The following GFRAL variants were observed in gnomAD, a reference collection of about 807,000 sequenced individuals.
The protein encoded by GFRAL is GDNF family receptor alpha like.
Under a neutral mutation model 45.4 loss-of-function variants are expected in GFRAL, and 36 were observed. That is an observed-to-expected ratio of 0.79 (90% CI 0.61 to 1.05). The LOEUF is 1.05. Among genes scored for constraint, GFRAL ranks in the 50% least tolerant of loss-of-function variants. The pLI is 0.00. For synonymous variants in GFRAL, 166 were observed against 154.1 expected, an observed-to-expected ratio of 1.08 and a Z score of -0.57; for missense variants, 507 against 467.5, an observed-to-expected ratio of 1.08 and a Z score of -0.78.
chr6:55,400,596 C>T (rs1324932846), intron 8 of GFRAL, among the ~76,000 whole-genome samples: 3 of 152,236 alleles, frequency 2.0e-5, no homozygotes, highest in Admixed American at 1.3e-4. Flanking sequence ...TGTTTGGACC[C>T]AATCCCTCTA....
chr6:55,376,461 A>C (rs1768536065), intron 6 of GFRAL, among the ~76,000 whole-genome samples: 1 of 152,064 alleles, frequency 6.6e-6, no homozygotes, highest in African/African-American at 2.4e-5. Flanking sequence ...TACCTCTGGT[A>C]GGATTCAGGT....
intron 6 of GFRAL, among the ~76,000 whole-genome samples, chr6:55,365,001 T>C (rs1407210230): frequency 6.7e-6 from 1 of 149,646 alleles, no homozygotes; most frequent in Non-Finnish European, 1.5e-5. Context: ...TTGATGGGGA[T>C]GGCATTGAAT....
At chr6:55,350,602 G>A (rs1018667977) in intron 4 of GFRAL, among the ~76,000 whole-genome samples, 3 of 152,136 alleles carry the variant, frequency 2.0e-5, no homozygotes, top group African/African-American at 7.2e-5. Context: ...TTGGGAGGCT[G>A]AGGCAGGAGG....
intron 1 of GFRAL, among the ~76,000 whole-genome samples, chr6:55,330,558 G>T (rs1486505815): frequency 6.6e-6 from 1 of 152,058 alleles, no homozygotes; most frequent in African/African-American, 2.4e-5. Context: ...ACAACAAAAA[G>T]GGTTATTCCA....
intron 3 of GFRAL, among the ~76,000 whole-genome samples, chr6:55,334,529 G>T (rs1478202324): frequency 6.6e-6 from 1 of 152,166 alleles, no homozygotes; most frequent in Non-Finnish European, 1.5e-5. Context: ...CAGTTCTAAA[G>T]TCAACAGTTT....
chr6:55,373,228 A>ATCTGTG (rs1220515791), intron 6 of GFRAL, among the ~76,000 whole-genome samples: 1 of 152,110 alleles, frequency 6.6e-6, no homozygotes, highest in Non-Finnish European at 1.5e-5. Context: ...GATATCTGTG[A>ATCTGTG]AGAACCACCT....
chr6:55,387,995 C>T (rs1004772879), intron 6 of GFRAL, among the ~76,000 whole-genome samples: 1 of 152,158 alleles, frequency 6.6e-6, no homozygotes, highest in Admixed American at 6.6e-5. Flanking sequence ...CACTGCATGG[C>T]ACATGTGAGC....
intron 6 of GFRAL, among the ~76,000 whole-genome samples, chr6:55,389,396 A>G (rs1178725200): frequency 6.6e-6 from 1 of 152,078 alleles, no homozygotes; most frequent in Non-Finnish European, 1.5e-5. Flanking sequence ...CAAAACGTAC[A>G]GCAATAGAAC....
chr6:55,390,720 T>C (rs1159933920), intron 6 of GFRAL, among the ~76,000 whole-genome samples: 1 of 151,884 alleles, frequency 6.6e-6, no homozygotes, highest in Non-Finnish European at 1.5e-5. Flanking sequence ...AAACCCCGTC[T>C]CTACTAAAAA....
chr6:55,340,369 A>G (rs1767946427), intron 3 of GFRAL, among the ~76,000 whole-genome samples: 5 of 152,248 alleles, frequency 3.3e-5, no homozygotes, highest in Admixed American at 3.3e-4. Context: ...TAAAGCACCC[A>G]GCAGAATACC....
At chr6:55,398,465 A>T (rs1292913515) in intron 6 of GFRAL, among the ~76,000 whole-genome samples, 1 of 152,230 alleles carries the variant, frequency 6.6e-6, no homozygotes, top group Non-Finnish European at 1.5e-5. Flanking sequence ...CTTTAAAGTT[A>T]TTGATAAAAA....
chr6:55,346,038 AC>A (rs1768036804), intron 3 of GFRAL, among the ~76,000 whole-genome samples: 2 of 152,150 alleles, frequency 1.3e-5, no homozygotes, highest in Non-Finnish European at 2.9e-5. Flanking sequence ...AAATCAGGAA[AC>A]AACAGGTGCT....
intron 6 of GFRAL, among the ~76,000 whole-genome samples, chr6:55,373,883 C>T (rs2127361352): frequency 6.6e-6 from 1 of 152,174 alleles, no homozygotes; most frequent in South Asian, 2.1e-4. Context: ...AGCTATTCTT[C>T]CTGATGCTCT....
intron 3 of GFRAL, among the ~76,000 whole-genome samples, chr6:55,340,642 G>A (rs12209649): frequency 0.063 from 9,602 of 152,180 alleles, 330 homozygotes; most frequent in South Asian, 0.17. Context: ...TGAGGTACCA[G>A]GTTCATCTCA....
intron 6 of GFRAL, among the ~76,000 whole-genome samples, chr6:55,386,313 T>TA (rs1317501463): frequency 3.3e-5 from 5 of 152,070 alleles, no homozygotes; most frequent in Non-Finnish European, 7.4e-5. Context: ...AAACTGCATA[T>TA]TTTTTTAGCA....
intron 6 of GFRAL, among the ~76,000 whole-genome samples, chr6:55,369,938 T>C (rs1299153672): frequency 6.6e-6 from 1 of 152,176 alleles, no homozygotes; most frequent in Non-Finnish European, 1.5e-5. Context: ...TCTGCATACC[T>C]CCTTAATGAT....
At chr6:55,374,984 G>T (rs1339147823) in intron 6 of GFRAL, among the ~76,000 whole-genome samples, 2 of 151,884 alleles carry the variant, frequency 1.3e-5, no homozygotes, top group Non-Finnish European at 2.9e-5. Flanking sequence ...GTATCTATGT[G>T]TATGTTCTTA....
intron 6 of GFRAL, among the ~76,000 whole-genome samples, chr6:55,398,906 A>G (rs952063795): frequency 2.0e-5 from 3 of 152,164 alleles, no homozygotes; most frequent in Non-Finnish European, 4.4e-5. Context: ...TTGTCTGTAT[A>G]TAAGATACAA....
chr6:55,352,017 A>G (rs1223842523), intron 5 of GFRAL, among the ~76,000 whole-genome samples: 2 of 152,080 alleles, frequency 1.3e-5, no homozygotes, highest in African/African-American at 4.8e-5. Context: ...GGAGATCAGG[A>G]GGAAGAAGGT....
Sources: gnomAD v4.1 joint callset for allele counts (sites outside exome capture counted in the v4.1 genomes callset) on GRCh38, gnomAD v4.1.1 for gene constraint, MANE v1.5 for transcripts, NCBI Gene and HGNC (gene_info 2026-07-23, HGNC 2026-07-21) for gene names.